PBRM1: variants seen among roughly 807,000 people sequenced by gnomAD.
PBRM1 encodes protein polybromo-1.
In PBRM1, 27 loss-of-function variants were observed where a neutral mutation model predicts 194.5. The observed-to-expected ratio is 0.14, with a 90% CI of 0.10 to 0.19. PBRM1 has a LOEUF of 0.19. Among genes scored for constraint, PBRM1 ranks in the 10% least tolerant of loss-of-function variants. The probability of loss-of-function intolerance (pLI) is 1.00; values close to 1 mark genes in which losing one functional copy is unlikely to be tolerated. For synonymous variants in PBRM1, 655 were observed against 693.2 expected (o/e 0.94, Z 0.87); for missense variants, 1,466 against 2,077.2 (o/e 0.71, Z 5.72).
At chr3:52,668,824 A>T (rs1418830672) in intron 2 of PBRM1, among the ~76,000 whole-genome samples, 179 bp from the exon 4 acceptor site, 1 of 151,898 alleles carries the variant, frequency 6.6e-6, no homozygotes, top group Non-Finnish European at 1.5e-5. Flanking sequence ...AAAAAAGAAA[A>T]AGAAAAGCAA....
intron 17 of PBRM1, among the ~76,000 whole-genome samples, chr3:52,600,986 T>G (rs1464916878): frequency 2.6e-5 from 4 of 152,202 alleles, no homozygotes; most frequent in African/African-American, 9.6e-5. Context: ...TACTGGGTTC[T>G]TTTGGAGGTG....
At chr3:52,565,939 AGT>A (rs1364704972) in intron 22 of PBRM1, among the ~76,000 whole-genome samples, 22 of 152,204 alleles carry the variant, frequency 1.4e-4, no homozygotes, top group African/African-American at 5.1e-4. Flanking sequence ...AGTCCCAGCT[AGT>A]CATGAGGCTG....
At position 52,584,540 on chromosome 3, in the gene PBRM1, C is replaced by CT. The variant is rs556061374; in HGVS notation, c.3387+1884dup. Among the ~76,000 whole-genome samples, 588 of 138,712 alleles carry CT rather than the reference C, an allele frequency of 4.2e-3. 3 individuals carry two copies. Among genetic ancestry groups the CT allele is most frequent in the South Asian group, 0.024 (105 of 4,466 alleles). The allele number at this position is 138,712 out of a possible 152,430, so 91.0% of individuals were successfully genotyped here. On this transcript the variant is annotated intron_variant, in intron 20 of 29. Coordinates refer to ENST00000296302, the Ensembl canonical transcript of PBRM1. The stretch of plus-strand genomic sequence containing the variant: ...GTGCAATCACAATTTACTGCAGCCT[C>CT]TACCTCCTGGGCTCATGGGATACCC...
chr3:52,685,091 A>G (rs1049362619), intron 1 of PBRM1, among the ~76,000 whole-genome samples: 5 of 152,248 alleles, frequency 3.3e-5, no homozygotes, highest in African/African-American at 1.2e-4. Context: ...ATACGCTTCT[A>G]TAATTATTGT....
intron 7 of PBRM1, among the ~76,000 whole-genome samples, chr3:52,646,383 A>G (rs1166800497): frequency 6.6e-6 from 1 of 152,218 alleles, no homozygotes; most frequent in Admixed American, 6.5e-5. Context: ...ACAGAACCAT[A>G]AAACTTCTAA....
At chr3:52,552,532 A>C (rs1421250601) in intron 27 of PBRM1, among the ~76,000 whole-genome samples, 1 of 152,138 alleles carries the variant, frequency 6.6e-6, no homozygotes, top group Admixed American at 6.5e-5. Flanking sequence ...CTCCCACCTC[A>C]GCCTCACAAA....
chr3:52,568,553 A>G (rs1261503521), intron 22 of PBRM1, among the ~76,000 whole-genome samples: 1 of 152,004 alleles, frequency 6.6e-6, no homozygotes, highest in Non-Finnish European at 1.5e-5. Flanking sequence ...TTTCTTTCTC[A>G]TGGTTTCTTT....
chr3:52,661,819 T>C (rs141324076), intron 4 of PBRM1, among the ~76,000 whole-genome samples: 141 of 152,346 alleles, frequency 9.3e-4, no homozygotes, highest in Non-Finnish European at 1.6e-3. Flanking sequence ...TTTCCTTACA[T>C]GATGTCTCAA....
At chr3:52,679,635 A>C (rs2097170291) in exon 1 of PBRM1, 4 of 1,614,112 alleles carry the variant, frequency 2.5e-6, no homozygotes, top group Non-Finnish European at 3.4e-6. Flanking sequence ...TGGTGTTGAC[A>C]CAGAATGGTG....
intron 5 of PBRM1, 44 bp from the exon 7 acceptor site, chr3:52,651,854 C>G: frequency 2.4e-6 from 3 of 1,257,336 alleles, no homozygotes; most frequent in Non-Finnish European, 2.3e-6. Flanking sequence ...TTAAACTATT[C>G]AGCTAATGAA....
intron 10 of PBRM1, among the ~76,000 whole-genome samples, chr3:52,638,797 C>T (rs1023103759): frequency 1.3e-5 from 2 of 151,764 alleles, no homozygotes; most frequent in African/African-American, 4.8e-5. Flanking sequence ...TGAGGTCTCG[C>T]TATGTTGCCC....
At chr3:52,580,357 G>T (rs574725924) in intron 20 of PBRM1, among the ~76,000 whole-genome samples, 25 of 151,014 alleles carry the variant, frequency 1.7e-4, no homozygotes, top group Non-Finnish European at 2.8e-4. Flanking sequence ...TGCTTTTTTT[G>T]TTGTTGTTGT....
exon 12 of PBRM1, chr3:52,628,924 C>T (rs375222169): frequency 6.2e-7 from 1 of 1,613,906 alleles, no homozygotes; most frequent in Non-Finnish European, 8.5e-7. Flanking sequence ...TTAGAACTCG[C>T]TTGTAGATGG....
intron 17 of PBRM1, among the ~76,000 whole-genome samples, chr3:52,597,505 T>C (rs2153228486): frequency 6.6e-6 from 1 of 152,312 alleles, no homozygotes; most frequent in African/African-American, 2.4e-5. Context: ...TCTATAAGGT[T>C]CTTGAGAATT....
intron 10 of PBRM1, among the ~76,000 whole-genome samples, chr3:52,639,642 A>T (rs2095990703): frequency 6.6e-6 from 1 of 151,990 alleles, no homozygotes; most frequent in African/African-American, 2.4e-5. Flanking sequence ...CTGAGGTGGG[A>T]GGACTGCTTG....
intron 22 of PBRM1, among the ~76,000 whole-genome samples, chr3:52,576,001 C>T (rs1054715146): frequency 1.3e-5 from 2 of 151,844 alleles, no homozygotes; most frequent in African/African-American, 2.4e-5. Flanking sequence ...AGGATGAATG[C>T]ACCTGAAGAC....
At chr3:52,682,328 A>G (rs1234603778), upstream of PBRM1, 3 of 152,128 alleles carry the variant, frequency 2.0e-5, no homozygotes, top group South Asian at 4.1e-4. Context: ...TTTATTTCCA[A>G]AAGTCCTATC....
chr3:52,602,587 A>AC (rs2094081959), intron 17 of PBRM1, among the ~76,000 whole-genome samples: 1 of 152,212 alleles, frequency 6.6e-6, no homozygotes, highest in African/African-American at 2.4e-5. Context: ...TTGGATCGTC[A>AC]CCTTGGGCCA....
chr3:52,603,422 T>A (rs2094138467), intron 17 of PBRM1, 99 bp downstream of exon 19: 2 of 1,266,322 alleles, frequency 1.6e-6, no homozygotes, highest in Admixed American at 5.0e-5. Flanking sequence ...TACCCTGAGT[T>A]TTCATTCATA....
Sources: gnomAD v4.1 joint callset for allele counts (sites outside exome capture counted in the v4.1 genomes callset) on GRCh38, gnomAD v4.1.1 for gene constraint, MANE v1.5 for transcripts, NCBI Gene and HGNC (gene_info 2026-07-23, HGNC 2026-07-21) for gene names.